Variants in ARB2A observed in about 807,000 individuals in gnomAD.
ARB2A encodes the protein ARB2 cotranscriptional regulator A.
the ARB2A span, among the ~76,000 whole-genome samples, chr5:93,666,308 T>C: frequency 7.9e-5 from 12 of 152,194 alleles, no homozygotes; most frequent in African/African-American, 2.4e-4. Context: ...GGAAGGTGTA[T>C]TGCCCACTTT....
the ARB2A span, among the ~76,000 whole-genome samples, chr5:93,807,066 G>A: frequency 6.6e-6 from 1 of 151,934 alleles, no homozygotes; most frequent in African/African-American, 2.4e-5. Context: ...TGATGAAACA[G>A]AAAACTGGTC....
chr5:93,950,555 A>G, the ARB2A span, among the ~76,000 whole-genome samples: 2 of 152,058 alleles, frequency 1.3e-5, no homozygotes, highest in Non-Finnish European at 2.9e-5. Context: ...AGGCATGAGA[A>G]TCGCTTGAAC....
At chr5:93,654,417 A>G in the ARB2A span, among the ~76,000 whole-genome samples, 133 of 152,298 alleles carry the variant, frequency 8.7e-4, no homozygotes, top group African/African-American at 3.2e-3. Context: ...TCAGCCTGAC[A>G]TGTCTTCCCT....
the ARB2A span, among the ~76,000 whole-genome samples, chr5:93,992,717 C>G: frequency 2.0e-5 from 3 of 151,876 alleles, no homozygotes; most frequent in African/African-American, 7.3e-5. Context: ...CCAAAAAAAG[C>G]AATAGATTCT....
the ARB2A span, among the ~76,000 whole-genome samples, chr5:93,880,045 T>C: frequency 6.6e-6 from 1 of 151,796 alleles, no homozygotes; most frequent in African/African-American, 2.4e-5. Context: ...TGTAATCATA[T>C]GAAAGAAAGG....
chr5:94,079,490 T>C, the ARB2A span, among the ~76,000 whole-genome samples: 1 of 152,202 alleles, frequency 6.6e-6, no homozygotes, highest in Non-Finnish European at 1.5e-5. Context: ...GCTGAGATTC[T>C]AACTCAGGTC....
chr5:93,987,028 TA>T, the ARB2A span, among the ~76,000 whole-genome samples: 1,733 of 150,722 alleles, frequency 0.011, 37 homozygotes, highest in African/African-American at 0.04. Flanking sequence ...TAAAAAAATT[TA>T]AAAAAAAAGA....
the ARB2A span, among the ~76,000 whole-genome samples, chr5:93,652,589 C>T: frequency 6.6e-6 from 1 of 152,142 alleles, no homozygotes; most frequent in African/African-American, 2.4e-5. Flanking sequence ...AGATGGTACT[C>T]TAGATTTGTT....
At chr5:93,709,688 T>C in the ARB2A span, among the ~76,000 whole-genome samples, 1 of 137,888 alleles carries the variant, frequency 7.3e-6, no homozygotes, top group Admixed American at 7.2e-5. Context: ...AGAAAATAAA[T>C]TGCAGATTAT....
chr5:93,836,132 A>C, the ARB2A span, among the ~76,000 whole-genome samples: 1 of 152,030 alleles, frequency 6.6e-6, no homozygotes, highest in Non-Finnish European at 1.5e-5. Flanking sequence ...GGTTCGCGCC[A>C]TTCTCCTGCC....
At chr5:93,826,117 A>C in the ARB2A span, among the ~76,000 whole-genome samples, 2 of 152,172 alleles carry the variant, frequency 1.3e-5, no homozygotes, top group African/African-American at 4.8e-5. Context: ...TCTATGGCTG[A>C]CATATTGTGG....
chr5:93,968,216 G>A, the ARB2A span, among the ~76,000 whole-genome samples: 16 of 152,104 alleles, frequency 1.1e-4, no homozygotes, highest in Non-Finnish European at 1.9e-4. Flanking sequence ...ATGATCTGAA[G>A]AGACAAACCA....
the ARB2A span, among the ~76,000 whole-genome samples, chr5:93,847,187 G>A: frequency 3.3e-5 from 5 of 152,294 alleles, no homozygotes; most frequent in East Asian, 9.6e-4. Context: ...CAGCAATTCA[G>A]TCACATCTTG....
chr5:93,956,788 C>T, the ARB2A span, among the ~76,000 whole-genome samples: 6 of 151,962 alleles, frequency 3.9e-5, no homozygotes, highest in Admixed American at 1.3e-4. Flanking sequence ...CCTCCCCATC[C>T]ACAGAGCAAC....
the ARB2A span, among the ~76,000 whole-genome samples, chr5:93,880,152 CT>C: frequency 6.6e-6 from 1 of 151,614 alleles, no homozygotes; most frequent in Non-Finnish European, 1.5e-5. Context: ...TAGTGAGATG[CT>C]TTCTAAAAAT....
chr5:94,038,711 C>T, the ARB2A span, among the ~76,000 whole-genome samples: 1 of 151,674 alleles, frequency 6.6e-6, no homozygotes, highest in South Asian at 2.1e-4. Context: ...ATAATAATCT[C>T]CTTAAGAAAG....
chr5:93,840,868 T>C, the ARB2A span, among the ~76,000 whole-genome samples: 1 of 152,166 alleles, frequency 6.6e-6, no homozygotes, highest in African/African-American at 2.4e-5. Context: ...ACTATCCCTT[T>C]AAATCATATG....
At chr5:93,777,683 G>T in the ARB2A span, among the ~76,000 whole-genome samples, 3 of 151,858 alleles carry the variant, frequency 2.0e-5, no homozygotes, top group Non-Finnish European at 4.4e-5. Flanking sequence ...TTAGATGCTT[G>T]CTTCCCTGGT....
chr5:94,051,326 G>C, the ARB2A span, among the ~76,000 whole-genome samples: 2 of 152,216 alleles, frequency 1.3e-5, no homozygotes, highest in Non-Finnish European at 2.9e-5. Context: ...CTGTGGGCTA[G>C]AAGAGGTTTA....
Sources: allele counts gnomAD v4.1 joint callset (sites outside exome capture counted in the v4.1 genomes callset), GRCh38; gene constraint gnomAD v4.1.1; transcripts MANE v1.5; gene names NCBI Gene and HGNC (gene_info 2026-07-23, HGNC 2026-07-21).